SUPT6H: variants seen among roughly 807,000 people sequenced by gnomAD.
The protein encoded by SUPT6H is SPT6 homolog, histone chaperone and transcription elongation factor.
A neutral mutation model predicts 222.3 loss-of-function variants in SUPT6H; 11 were observed. The observed-to-expected ratio is 0.05, with a 90% confidence interval of 0.03 to 0.08. The LOEUF (loss-of-function observed/expected upper bound fraction) is 0.08. Among genes scored for constraint, SUPT6H ranks in the 10% least tolerant of loss-of-function variants. The pLI, the probability that SUPT6H is intolerant of heterozygous loss-of-function variation, is 1.00. For missense variants in SUPT6H, 1,422 were observed against 2,216.0 expected (o/e 0.64, Z 7.19); for synonymous variants, 762 against 801.2 (o/e 0.95, Z 0.83).
intron 1 of SUPT6H, among the ~76,000 whole-genome samples, chr17:28,671,551 A>G (rs548679590): frequency 6.6e-6 from 1 of 152,264 alleles, no homozygotes; most frequent in South Asian, 2.1e-4. Flanking sequence ...TCCACAATGG[A>G]ATCTTGTTGT....
chr17:28,678,419 G>C, intron 9 of SUPT6H, 126 bp from the exon 10 acceptor site: 1 of 995,928 alleles, frequency 1.0e-6, no homozygotes, highest in Non-Finnish European at 1.5e-6. Context: ...AGGGCTGTGA[G>C]GGAGGCCAGG....
At chr17:28,693,386 C>T (rs1277189000) in intron 27 of SUPT6H, among the ~76,000 whole-genome samples, 1 of 152,012 alleles carries the variant, frequency 6.6e-6, no homozygotes, top group Non-Finnish European at 1.5e-5. Context: ...GGCTTGAACC[C>T]AGGAGGCGGA....
intron 2 of SUPT6H, among the ~76,000 whole-genome samples, chr17:28,674,037 G>C (rs1232445771): frequency 6.6e-6 from 1 of 152,222 alleles, no homozygotes. Flanking sequence ...ATTTTGAGAA[G>C]CCAAAGTGAC....
chr17:28,672,442 T>G (rs1417799429), intron 1 of SUPT6H, among the ~76,000 whole-genome samples: 1 of 152,084 alleles, frequency 6.6e-6, no homozygotes, highest in Non-Finnish European at 1.5e-5. Flanking sequence ...GAGGCAGATT[T>G]TGCTCTTGTT....
chr17:28,700,925 G>C lies in SUPT6H; in HGVS notation c.4807-16G>C. The C allele has an allele frequency of 1.2e-6, 2 of 1,604,926 alleles. No homozygotes were observed. The highest frequency in any genetic ancestry group is 1.7e-4 in the Middle Eastern group (1 of 6,024). ...GCCCCACACCCATCCCTATTTAACT[G>C]TTCATGCCTCTCCAGGTATTCCCAA... On this transcript the variant is annotated splice_polypyrimidine_tract_variant and intron_variant, in intron 35 of 36. Coordinates refer to ENST00000314616, the MANE Select transcript of SUPT6H (RefSeq NM_003170.5).
At chr17:28,676,134 C>T (rs768341594) in intron 6 of SUPT6H, 23 bp from the exon 7 acceptor site, 4 of 1,554,648 alleles carry the variant, frequency 2.6e-6, no homozygotes, top group East Asian at 2.2e-5. Flanking sequence ...CCTGAGCCAC[C>T]TGCCTCTTGC....
At chr17:28,679,162 A>G (rs1384629825) in intron 11 of SUPT6H, among the ~76,000 whole-genome samples, 199 bp downstream of exon 11, 1 of 152,196 alleles carries the variant, frequency 6.6e-6, no homozygotes, top group Admixed American at 6.5e-5. Flanking sequence ...ACTTGAGGTC[A>G]GGAGTTCAAG....
At chr17:28,684,816 C>T in intron 18 of SUPT6H, 28 bp from the exon 19 acceptor site, 2 of 1,613,836 alleles carry the variant, frequency 1.2e-6, no homozygotes, top group Middle Eastern at 1.7e-4. Flanking sequence ...CTGATTATTG[C>T]ATTCTTGTTT....
intron 1 of SUPT6H, among the ~76,000 whole-genome samples, chr17:28,665,906 A>AC (rs1459634994): frequency 6.6e-6 from 1 of 152,146 alleles, no homozygotes; most frequent in African/African-American, 2.4e-5. Context: ...ACAGAGCAGG[A>AC]CCCCATCTCA....
chr17:28,675,125 T>G lies in SUPT6H; in HGVS notation c.501T>G (p.Ala167=), dbSNP rs1310438933. 1 of 1,613,288 alleles carries G rather than the reference T, an allele frequency of 6.2e-7. No individual in the cohort carries two copies. The highest frequency in any genetic ancestry group is 8.5e-7 in the Non-Finnish European group (1 of 1,179,810). The part of the protein sequence containing the change: ...EGQEAMEAPM[A]PPEEEEEDDE... ...AGGAGGCCATGGAGGCCCCCATGGC[T>G]CCTCCAGAGGAGGAGGAAGAAGATG... The change falls in exon 5 of 37, where the codon GCT becomes GCG. Residue 167 remains alanine (A), a synonymous_variant. Coordinates refer to ENST00000314616, the MANE Select transcript of SUPT6H (RefSeq NM_003170.5).
chr17:28,684,925 G>A lies in SUPT6H; in HGVS notation c.2451G>A (p.Arg817=), dbSNP rs1160397624. The A allele has an allele frequency of 2.5e-6, 4 of 1,614,146 alleles. No individual in the cohort carries two copies. Among genetic ancestry groups the A allele is most frequent in the Non-Finnish European group, 3.4e-6 (4 of 1,180,030 alleles). Residue 817 remains arginine, a synonymous_variant, in exon 19 of 37, where the codon CGG becomes CGA. Coordinates refer to ENST00000314616, the MANE Select transcript of SUPT6H (RefSeq NM_003170.5). ...TTCGACTGCCCCATTTTACCAAACG[G>A]CGAACTGCATGGAGAGAGGAAGAGC... The part of the protein sequence containing the change: ...DFLRLPHFTK[R]RTAWREEERE...
intron 19 of SUPT6H, 72 bp from the exon 20 acceptor site, chr17:28,686,267 C>T: frequency 2.2e-6 from 3 of 1,362,482 alleles, no homozygotes; most frequent in Non-Finnish European, 3.1e-6. Flanking sequence ...AGATCTCCAA[C>T]ATAGGGAGAC....
chr17:28,701,085 C>A lies in SUPT6H; in HGVS notation c.4951C>A (p.Pro1651Thr). 1 of 1,613,322 alleles carries A rather than the reference C, an allele frequency of 6.2e-7. No homozygotes were observed. Residue 1651 changes from proline to threonine, a missense_variant, in exon 36 of 37, where the codon CCC becomes ACC. Coordinates refer to ENST00000314616, the MANE Select transcript of SUPT6H (RefSeq NM_003170.5). ...STTPQSAQAQ[P>T]QPSSSSRQRQ... is the part of the protein sequence containing the mutation. Reference sequence around the variant, plus strand: ...CACCCCACAGTCGGCCCAGGCCCAGCCCCAGCCCTCTTCCAGCTCCCGGCA... The same window carrying A: ...CACCCCACAGTCGGCCCAGGCCCAGACCCAGCCCTCTTCCAGCTCCCGGCA...
At chr17:28,679,631 C>A (rs2030976284) in intron 11 of SUPT6H, among the ~76,000 whole-genome samples, 2 of 151,822 alleles carry the variant, frequency 1.3e-5, no homozygotes, top group Non-Finnish European at 1.5e-5. Context: ...CTGCCCGCCT[C>A]GGCCTCCCAA....
chr17:28,690,253 AT>A (rs2031578667), intron 26 of SUPT6H, 24 bp downstream of exon 26: 1 of 1,611,962 alleles, frequency 6.2e-7, no homozygotes, highest in Admixed American at 1.7e-5. Flanking sequence ...TCATTTTTTT[AT>A]TGGGGGCAGG....
chr17:28,667,435 ATG>A (rs1491222147), intron 1 of SUPT6H, among the ~76,000 whole-genome samples: 2 of 128,766 alleles, frequency 1.6e-5, no homozygotes, highest in Non-Finnish European at 3.3e-5. Context: ...ATATATATAT[ATG>A]TATGTGTGTG....
chr17:28,691,368 A>T (rs1217817845), intron 27 of SUPT6H: 1 of 283,898 alleles, frequency 3.5e-6, no homozygotes, highest in Non-Finnish European at 6.9e-6. Flanking sequence ...TCTACTAAAA[A>T]TACAAAAATT....
At chr17:28,671,550 G>T (rs1190396911) in intron 1 of SUPT6H, among the ~76,000 whole-genome samples, 13 of 152,154 alleles carry the variant, frequency 8.5e-5, no homozygotes, top group Non-Finnish European at 1.3e-4. Context: ...TTCCACAATG[G>T]AATCTTGTTG....
intron 11 of SUPT6H, among the ~76,000 whole-genome samples, chr17:28,680,696 G>T (rs1184937340): frequency 3.9e-5 from 6 of 152,178 alleles, no homozygotes; most frequent in Non-Finnish European, 8.8e-5. Flanking sequence ...CTGTCGCCCA[G>T]GTTGGAGCGC....
Sources: gnomAD v4.1 joint callset for allele counts (sites outside exome capture counted in the v4.1 genomes callset) on GRCh38, gnomAD v4.1.1 for gene constraint, MANE v1.5 for transcripts, NCBI Gene and HGNC (gene_info 2026-07-23, HGNC 2026-07-21) for gene names.